BNC2: variants seen among roughly 807,000 people sequenced by gnomAD.
The protein encoded by BNC2 is zinc finger protein basonuclin-2.
Under a neutral mutation model 76.3 loss-of-function variants are expected in BNC2, and 20 were observed. The ratio of observed to expected loss-of-function variants is 0.26; its 90% CI spans 0.18 to 0.38. The LOEUF (loss-of-function observed/expected upper bound fraction) is 0.38. Ranked by LOEUF, BNC2 falls within the 10% of genes least tolerant of loss-of-function variation. The pLI, the probability that BNC2 is intolerant of heterozygous loss-of-function variation, is 1.00. For synonymous variants in BNC2, 582 were observed against 514.8 expected, an observed-to-expected ratio of 1.13 and a Z score of -1.77; for missense variants, 1,382 against 1,399.8, an observed-to-expected ratio of 0.99 and a Z score of 0.20.
chr9:16,768,403 G>C (rs1825751049), intron 1 of BNC2, among the ~76,000 whole-genome samples: 1 of 152,136 alleles, frequency 6.6e-6, no homozygotes, highest in Non-Finnish European at 1.5e-5. Flanking sequence ...AAACGGGAGT[G>C]TTACAAGAAA....
Position 16,518,806 on chromosome 9 carries a change from G to C in BNC2, c.669+33724C>G, listed in dbSNP as rs1042768896. ...GGTAGGGACAGGGTTTCATCATGTTGGTCAGGCTGGTCCCGATCTCCTGAC... is the reference window on the plus strand; with the variant it reads ...GGTAGGGACAGGGTTTCATCATGTTCGTCAGGCTGGTCCCGATCTCCTGAC... On this transcript the variant is annotated intron_variant, in intron 5 of 6. Transcript: ENST00000380672. Among the ~76,000 whole-genome samples, 7 of 152,104 alleles carry C rather than the reference G, an allele frequency of 4.6e-5. No homozygotes were observed. The East Asian group carries it at 1.2e-3, about 25-fold the overall frequency.
intron 1 of BNC2, among the ~76,000 whole-genome samples, chr9:16,781,591 C>T (rs1021984330): frequency 1.3e-5 from 2 of 152,266 alleles, no homozygotes; most frequent in South Asian, 2.1e-4. Context: ...AATCTGCCCG[C>T]CCTGGCCTCC....
intron 3 of BNC2, among the ~76,000 whole-genome samples, chr9:16,664,706 AAAAAAACAAAAAAAAAC>A (rs1008383040): frequency 1.8e-4 from 18 of 99,664 alleles, no homozygotes; most frequent in African/African-American, 8.2e-4. Flanking sequence ...AACAAAAACA[AAAAAAACAAAAAAAAAC>A]AAAAACAAAA....
intron 3 of BNC2, among the ~76,000 whole-genome samples, chr9:16,669,871 G>C (rs568160847): frequency 2.0e-5 from 3 of 152,326 alleles, no homozygotes; most frequent in Non-Finnish European, 4.4e-5. Context: ...GCTTAGAGTG[G>C]ACGGTAGGAA....
At chr9:16,577,102 T>G (rs1385047093) in intron 4 of BNC2, among the ~76,000 whole-genome samples, 1 of 152,176 alleles carries the variant, frequency 6.6e-6, no homozygotes, top group Non-Finnish European at 1.5e-5. Context: ...GCAAATTGAG[T>G]CTGAATAGGA....
chr9:16,622,173 T>G (rs1386007254), intron 3 of BNC2, among the ~76,000 whole-genome samples: 1 of 152,164 alleles, frequency 6.6e-6, no homozygotes, highest in Non-Finnish European at 1.5e-5. Context: ...ATTATAAAAT[T>G]TTATCTAGTT....
chr9:16,529,180 C>A (rs1000251720), intron 5 of BNC2, among the ~76,000 whole-genome samples: 1 of 152,194 alleles, frequency 6.6e-6, no homozygotes, highest in African/African-American at 2.4e-5. Context: ...AAATCCTTGA[C>A]TTAATCACAT....
intron 1 of BNC2, among the ~76,000 whole-genome samples, chr9:16,848,890 A>C (rs888295228): frequency 6.6e-6 from 1 of 152,226 alleles, no homozygotes; most frequent in African/African-American, 2.4e-5. Context: ...TCAGGCATAA[A>C]ATGTAAAAAT....
chr9:16,505,674 TTC>T (rs1050113634), intron 5 of BNC2, among the ~76,000 whole-genome samples: 2 of 152,120 alleles, frequency 1.3e-5, no homozygotes, highest in African/African-American at 4.8e-5. Context: ...ATCAGAAAGA[TTC>T]TGAGTCCTTA....
rs115567840 is a variant in BNC2 at position 16,732,237 on chromosome 9, C to T, written c.130-4240G>A. On this transcript the variant is annotated intron_variant, in intron 2 of 6. Transcript: ENST00000380672. ...CAGCCACAATGAATACATGAAAACGCAAGTGAGCAAAGAATTTTGTTTTGC... is the reference window on the plus strand; with the variant it reads ...CAGCCACAATGAATACATGAAAACGTAAGTGAGCAAAGAATTTTGTTTTGC... Among the ~76,000 whole-genome samples the T allele has an allele frequency of 4.3e-3, 651 of 150,956 alleles. 1 individual carries two copies. Among genetic ancestry groups the T allele is most frequent in the African/African-American group, 0.015 (611 of 41,146 alleles).
chr9:16,702,034 A>G (rs566998699), intron 3 of BNC2, among the ~76,000 whole-genome samples: 11 of 152,308 alleles, frequency 7.2e-5, no homozygotes, highest in African/African-American at 2.6e-4. Flanking sequence ...CTGGGCTAAA[A>G]AACAATAAAA....
chr9:16,824,913 A>T (rs910236346), intron 1 of BNC2, among the ~76,000 whole-genome samples: 13 of 152,134 alleles, frequency 8.5e-5, no homozygotes, highest in African/African-American at 3.1e-4. Context: ...AAAAGGACAT[A>T]CGAAGATACG....
At chr9:16,788,323 G>A (rs1350897112) in intron 1 of BNC2, among the ~76,000 whole-genome samples, 4 of 151,710 alleles carry the variant, frequency 2.6e-5, no homozygotes, top group Admixed American at 6.6e-5. Context: ...GGAGGCCAAG[G>A]TGGGCAGATC....
chr9:16,756,039 C>T (rs1825375413), intron 1 of BNC2, among the ~76,000 whole-genome samples: 1 of 152,156 alleles, frequency 6.6e-6, no homozygotes, highest in Admixed American at 6.5e-5. Flanking sequence ...CTGGGATTAA[C>T]TCAGGTGTCT....
chr9:16,684,317 T>C (rs772681645), intron 3 of BNC2, among the ~76,000 whole-genome samples: 8 of 152,180 alleles, frequency 5.3e-5, no homozygotes, highest in Non-Finnish European at 1.0e-4. Context: ...GCTGTTAGCT[T>C]TCTAGAACTA....
intron 5 of BNC2, among the ~76,000 whole-genome samples, chr9:16,550,758 A>C (rs574033499): frequency 4.0e-4 from 61 of 152,338 alleles, no homozygotes; most frequent in African/African-American, 1.4e-3. Context: ...AGCATAGTGG[A>C]GGTAATAAAG....
Position 16,520,162 on chromosome 9 carries a change from C to T in BNC2, c.669+32368G>A, listed in dbSNP as rs991899683. 2.0e-5 allele frequency among the ~76,000 whole-genome samples: 3 copies of T among 152,180 alleles called. 1 individual carries two copies. The highest frequency in any genetic ancestry group is 1.3e-4 in the Admixed American group (2 of 15,282). ...AGGAGGCCTACGAGGAAACCTTTCC[C>T]GTGCTTCTTGATGGGACTCTCAGGC... On this transcript the variant is annotated intron_variant, in intron 5 of 6. Transcript: ENST00000380672.
intron 1 of BNC2, among the ~76,000 whole-genome samples, chr9:16,790,934 C>G (rs1306260600): frequency 6.6e-6 from 1 of 150,906 alleles, no homozygotes; most frequent in Non-Finnish European, 1.5e-5. Flanking sequence ...CTTTAATTAT[C>G]CATTTTTATG....
chr9:16,792,716 A>T (rs1047813423), intron 1 of BNC2, among the ~76,000 whole-genome samples: 7 of 152,238 alleles, frequency 4.6e-5, no homozygotes, highest in Non-Finnish European at 8.8e-5. Flanking sequence ...CGTATTTATC[A>T]TAAGCGTATA....
Sources: allele counts gnomAD v4.1 joint callset (sites outside exome capture counted in the v4.1 genomes callset), GRCh38; gene constraint gnomAD v4.1.1; transcripts MANE v1.5; gene names NCBI Gene and HGNC (gene_info 2026-07-23, HGNC 2026-07-21).